The following PCDHGA2 variants were observed in gnomAD, a reference collection of about 807,000 sequenced individuals.
PCDHGA2 encodes protocadherin gamma-A2.
In PCDHGA2, 40 loss-of-function variants were observed where a neutral mutation model predicts 59.2. The observed-to-expected ratio is 0.68, with a 90% CI of 0.52 to 0.88. The LOEUF is 0.88. PCDHGA2 is among the 40% of genes least tolerant of loss of function. The pLI is 0.00. For synonymous variants in PCDHGA2, 560 were observed against 526.0 expected, an observed-to-expected ratio of 1.06 and a Z score of -0.89; for missense variants, 1,226 against 1,204.0, an observed-to-expected ratio of 1.02 and a Z score of -0.27.
At chr5:141,362,637 TTGTC>T (rs1762610119) in intron 1 of PCDHGA2, 48 of 1,479,318 alleles carry the variant, frequency 3.2e-5, no homozygotes, top group Non-Finnish European at 4.2e-5. Context: ...GCGTATTTCT[TTGTC>T]TGTGAGTTAG....
chr5:141,508,904 T>C (rs1421450229), intron 3 of PCDHGA2, among the ~76,000 whole-genome samples: 2 of 151,336 alleles, frequency 1.3e-5, no homozygotes, highest in African/African-American at 4.9e-5. Context: ...GGCGGGGCGG[T>C]GGCGGATCTG....
chr5:141,442,898 TCTC>T (rs1427810429), intron 1 of PCDHGA2, among the ~76,000 whole-genome samples: 14 of 152,222 alleles, frequency 9.2e-5, no homozygotes, highest in Admixed American at 9.2e-4. Context: ...GCTTATCACT[TCTC>T]CTTCAGCACA....
At chr5:141,370,384 C>T (rs777134390) in intron 1 of PCDHGA2, 6 of 1,534,384 alleles carry the variant, frequency 3.9e-6, no homozygotes, top group Non-Finnish European at 5.2e-6. Context: ...GGCAAAGGCG[C>T]AGAGAGCGGG....
intron 1 of PCDHGA2, chr5:141,376,307 G>C: frequency 6.2e-7 from 1 of 1,614,192 alleles, no homozygotes; most frequent in Non-Finnish European, 8.5e-7. Flanking sequence ...GCACTTTGTG[G>C]GCGTGGAAGG....
chr5:141,390,464 T>C (rs2092153361), intron 1 of PCDHGA2: 3 of 718,912 alleles, frequency 4.2e-6, no homozygotes, highest in Admixed American at 3.0e-5. Flanking sequence ...GTAGGAGCAA[T>C]TGTGTGGCCC....
intron 1 of PCDHGA2, chr5:141,357,622 G>C: frequency 3.1e-6 from 5 of 1,613,672 alleles, no homozygotes; most frequent in Non-Finnish European, 4.2e-6. Flanking sequence ...TAATCTTCAG[G>C]TGAGTCAATC....
intron 1 of PCDHGA2, chr5:141,419,739 G>T: frequency 6.2e-7 from 1 of 1,613,770 alleles, no homozygotes; most frequent in South Asian, 1.1e-5. Context: ...GGCGAGGTGC[G>T]CATGGTGCGT....
chr5:141,345,143 C>T (rs774990344), intron 1 of PCDHGA2: 34 of 1,613,872 alleles, frequency 2.1e-5, no homozygotes, highest in Non-Finnish European at 2.5e-5. Flanking sequence ...CTCTTATCGA[C>T]GTGCATGACC....
chr5:141,349,561 A>T (rs139940732), intron 1 of PCDHGA2, among the ~76,000 whole-genome samples: 287 of 152,332 alleles, frequency 1.9e-3, no homozygotes, highest in African/African-American at 5.0e-3. Context: ...ATAACATAAT[A>T]GTAAGGCTGT....
chr5:141,422,272 A>T, intron 1 of PCDHGA2: 13 of 1,561,362 alleles, frequency 8.3e-6, no homozygotes, highest in Non-Finnish European at 1.1e-5. Context: ...TCCAGAAATA[A>T]CTATCACCTC....
chr5:141,432,090 A>T lies in PCDHGA2; in HGVS notation c.2425-62717A>T. 1 of 1,614,164 alleles carries T rather than the reference A, an allele frequency of 6.2e-7. No homozygotes were observed. Among genetic ancestry groups the T allele is most frequent in the Non-Finnish European group, 8.5e-7 (1 of 1,180,034 alleles). On this transcript the variant is annotated intron_variant, in intron 1 of 3. Transcript: ENST00000394576. The surrounding 1 kb of genome is among the most constrained non-coding windows in gnomAD (Gnocchi z 6.0). ...ACTCATATCTCGCTGAACGTGGCAG[A>T]CACCAACGACAACCCGCCGGTCTTC... is the stretch of plus-strand genomic sequence containing the variant.
Position 141,456,898 on chromosome 5 carries a change from G to A in PCDHGA2, c.2425-37909G>A, listed in dbSNP as rs1046778634. 3.9e-5 allele frequency among the ~76,000 whole-genome samples: 6 copies of A among 152,284 alleles called. No individual in the cohort carries two copies. The South Asian group carries it at 6.2e-4, about 16-fold the overall frequency. On this transcript the variant is annotated intron_variant, in intron 1 of 3. Transcript: ENST00000394576. ...GAATCGCTTGAACCCGGGAGGCAGA[G>A]GTTGCAGTGAGCCGAGATCGCACCA...
chr5:141,370,634 A>G, intron 1 of PCDHGA2: 1 of 1,613,970 alleles, frequency 6.2e-7, no homozygotes, highest in South Asian at 1.1e-5. Context: ...TGAGCCCCGA[A>G]AATGGGAACT....
At chr5:141,356,917 A>G (rs774508260) in intron 1 of PCDHGA2, 1 of 1,614,056 alleles carries the variant, frequency 6.2e-7, no homozygotes, top group East Asian at 2.2e-5. Context: ...TGATGGCTCC[A>G]CTGGTGTGGA....
chr5:141,433,208 C>CTTTT, intron 1 of PCDHGA2: 1 of 1,293,074 alleles, frequency 7.7e-7, no homozygotes, highest in African/African-American at 1.5e-5. Flanking sequence ...AATCTTCTTT[C>CTTTT]TTTTTTTTTT....
In PCDHGA2 at chr5:141,351,794, G is replaced by A. The variant is rs762711142; in HGVS notation, c.2424+10399G>A. On this transcript the variant is annotated intron_variant, in intron 1 of 3. Coordinates refer to ENST00000394576, the MANE Select transcript of PCDHGA2 (RefSeq NM_018915.4). ...GAGCCCGCAGAGCGGGGTGGTGTTC[G>A]CGCAGCGCGCCTTCGACCACGAGCA... 35 of 1,613,242 alleles carry A rather than the reference G, an allele frequency of 2.2e-5. No individual in the cohort carries two copies. In the South Asian group the frequency reaches 3.8e-4, roughly 18 times the overall value.
chr5:141,360,535 A>G lies in PCDHGA2; in HGVS notation c.2424+19140A>G, dbSNP rs376637010. ...TATAAATGATAATACCCCGCTATTC[A>G]AACAGACTAAGATTAATTTAAAAAT... On this transcript the variant is annotated intron_variant, in intron 1 of 3. Coordinates refer to ENST00000394576, the MANE Select transcript of PCDHGA2 (RefSeq NM_018915.4). 1.9e-6 allele frequency: 3 copies of G among 1,613,976 alleles called. No homozygotes were observed. The South Asian group carries it at 3.3e-5, about 18-fold the overall frequency.
chr5:141,478,101 T>G, intron 1 of PCDHGA2: 1 of 1,614,018 alleles, frequency 6.2e-7, no homozygotes, highest in Middle Eastern at 1.6e-4. Flanking sequence ...ACTGCTACCC[T>G]CACTGTGTCA....
chr5:141,423,689 G>A (rs2096767103), intron 1 of PCDHGA2: 2 of 1,400,130 alleles, frequency 1.4e-6, no homozygotes, highest in Non-Finnish European at 9.4e-7. Context: ...CCTCCTAATT[G>A]TTGGTGTCTT....
Sources: allele counts gnomAD v4.1 joint callset (sites outside exome capture counted in the v4.1 genomes callset), GRCh38; gene constraint gnomAD v4.1.1; non-coding constraint Gnocchi (gnomAD v3.1); transcripts MANE v1.5; gene names NCBI Gene and HGNC (gene_info 2026-07-23, HGNC 2026-07-21).